The following FRMD4B variants were observed in gnomAD, a reference collection of about 807,000 sequenced individuals.
FRMD4B encodes FERM domain-containing protein 4B.
A neutral mutation model predicts 141.5 loss-of-function variants in FRMD4B; 74 were observed. That is an observed-to-expected ratio of 0.52 (90% CI 0.43 to 0.63). The LOEUF (loss-of-function observed/expected upper bound fraction) is 0.63. FRMD4B is among the 30% of genes least tolerant of loss of function. The pLI is 0.00. For missense variants in FRMD4B, 1,366 were observed against 1,253.4 expected, an observed-to-expected ratio of 1.09 and a Z score of -1.36; for synonymous variants, 506 against 467.9, an observed-to-expected ratio of 1.08 and a Z score of -1.05.
chr3:69,527,347 G>A (rs1328182146), intron 1 of FRMD4B, among the ~76,000 whole-genome samples: 2 of 152,122 alleles, frequency 1.3e-5, no homozygotes, highest in African/African-American at 2.4e-5. Flanking sequence ...CCGGGGTGGA[G>A]CGCAAACCTG....
At chr3:69,350,574 C>G (rs528907257) in intron 1 of FRMD4B, among the ~76,000 whole-genome samples, 1 of 152,060 alleles carries the variant, frequency 6.6e-6, no homozygotes, top group African/African-American at 2.4e-5. Context: ...GGAACCAATC[C>G]AAATGTCCAA....
chr3:69,300,980 C>T (rs1701197635), intron 4 of FRMD4B, among the ~76,000 whole-genome samples: 1 of 152,248 alleles, frequency 6.6e-6, no homozygotes, highest in South Asian at 2.1e-4. Flanking sequence ...AAGTGATCTG[C>T]CTACCTCGGC....
Position 69,391,281 on chromosome 3 carries a change from G to T in FRMD4B, c.-1+41353C>A, listed in dbSNP as rs182491072. Among the ~76,000 whole-genome samples the T allele has an allele frequency of 3.4e-3, 510 of 150,488 alleles. 4 individuals are homozygous for T. The highest frequency in any genetic ancestry group is 0.012 in the African/African-American group (499 of 40,934). On this transcript the variant is annotated intron_variant, in intron 2 of 5. Coordinates refer to the FRMD4B transcript ENST00000459638. ...TTATTATTATACTTTTAAGTTCTAG[G>T]GTACACGTGCACAATGTGCAGGTTT... is the stretch of plus-strand genomic sequence containing the variant.
intron 1 of FRMD4B, among the ~76,000 whole-genome samples, chr3:69,464,546 C>T (rs1450351487): frequency 3.3e-5 from 5 of 152,126 alleles, no homozygotes; most frequent in Admixed American, 6.5e-5. Context: ...ACTCAGTATG[C>T]AATGGTTTGC....
chr3:69,361,001 C>G (rs1235499164), intron 1 of FRMD4B, among the ~76,000 whole-genome samples: 1 of 152,090 alleles, frequency 6.6e-6, no homozygotes, highest in Non-Finnish European at 1.5e-5. Flanking sequence ...ATAATTCATA[C>G]AAGAAAGGCA....
At chr3:69,349,720 G>C (rs1169724717) in intron 1 of FRMD4B, among the ~76,000 whole-genome samples, 1 of 152,102 alleles carries the variant, frequency 6.6e-6, no homozygotes, top group Non-Finnish European at 1.5e-5. Flanking sequence ...ACAAGCAATG[G>C]GGAAAGGATT....
At chr3:69,303,758 G>T (rs1031448911) in intron 3 of FRMD4B, among the ~76,000 whole-genome samples, 45 of 151,812 alleles carry the variant, frequency 3.0e-4, no homozygotes, top group African/African-American at 1.1e-3. Context: ...GGTGAAACCC[G>T]ATTTCTACAA....
rs186961195 is a variant in FRMD4B at position 69,202,181 on chromosome 3, C to T, written c.877-3407G>A. On this transcript the variant is annotated intron_variant, in intron 11 of 22. Transcript: ENST00000398540. Reference sequence around the variant, plus strand: ...TCGCACCACTGCACTCCAACCTTGGCGACAAGAGCGAAAATCCGTCTCAAA... The same window carrying T: ...TCGCACCACTGCACTCCAACCTTGGTGACAAGAGCGAAAATCCGTCTCAAA... 1.1e-3 allele frequency among the ~76,000 whole-genome samples: 165 copies of T among 151,832 alleles called. 1 individual carries two copies. Among genetic ancestry groups the T allele is most frequent in the African/African-American group, 3.7e-3 (155 of 41,354 alleles).
intron 1 of FRMD4B, among the ~76,000 whole-genome samples, chr3:69,501,435 C>A (rs1167756646): frequency 6.6e-6 from 1 of 152,102 alleles, no homozygotes; most frequent in Non-Finnish European, 1.5e-5. Flanking sequence ...TCAGCTTCTT[C>A]ATAGCATTGT....
intron 1 of FRMD4B, among the ~76,000 whole-genome samples, chr3:69,440,880 A>T (rs1705331994): frequency 1.3e-5 from 2 of 152,198 alleles, no homozygotes; most frequent in Non-Finnish European, 2.9e-5. Flanking sequence ...TTAGAACTAC[A>T]ATGAATTTGT....
At chr3:69,319,439 T>A (rs1340646091) in intron 1 of FRMD4B, among the ~76,000 whole-genome samples, 4 of 152,304 alleles carry the variant, frequency 2.6e-5, no homozygotes, top group Non-Finnish European at 1.5e-5. Flanking sequence ...ATGGGAGGAA[T>A]ATTACTGACC....
At chr3:69,384,163 T>A (rs1278023491) in intron 1 of FRMD4B, among the ~76,000 whole-genome samples, 1 of 152,118 alleles carries the variant, frequency 6.6e-6, no homozygotes, top group Admixed American at 6.6e-5. Context: ...ACCATCCATT[T>A]TAGAGAAAAG....
intron 1 of FRMD4B, among the ~76,000 whole-genome samples, chr3:69,358,788 T>C (rs375968304): frequency 1.9e-4 from 29 of 152,272 alleles, no homozygotes; most frequent in African/African-American, 6.5e-4. Flanking sequence ...CAAGACATGA[T>C]AATGGATTAT....
At position 69,392,618 on chromosome 3, in the gene FRMD4B, G is replaced by A. The variant is rs567690577; in HGVS notation, c.-1+40016C>T. Reference sequence around the variant, plus strand: ...GAATATCTACATAACTAAGCTGAAGGAGTGTTCCTGTTCCTCAGTCCTCGG... The same window carrying A: ...GAATATCTACATAACTAAGCTGAAGAAGTGTTCCTGTTCCTCAGTCCTCGG... On this transcript the variant is annotated intron_variant, in intron 2 of 5. Transcript: ENST00000459638. Among the ~76,000 whole-genome samples, 6 of 152,292 alleles carry A rather than the reference G, an allele frequency of 3.9e-5. No individual in the cohort carries two copies. In the South Asian group the frequency reaches 1.2e-3, roughly 32 times the overall value.
intron 5 of FRMD4B, among the ~76,000 whole-genome samples, chr3:69,265,048 G>T (rs947037792): frequency 1.3e-3 from 197 of 150,544 alleles, no homozygotes; most frequent in African/African-American, 4.7e-3. Context: ...GAGGTCAGGA[G>T]ATCGAGACCA....
chr3:69,357,826 C>T (rs1274308634), intron 1 of FRMD4B, among the ~76,000 whole-genome samples: 1 of 152,176 alleles, frequency 6.6e-6, no homozygotes, highest in African/African-American at 2.4e-5. Context: ...CTCATCTCCT[C>T]CTAAATTTAG....
At chr3:69,532,249 A>T (rs1701018125) in intron 1 of FRMD4B, among the ~76,000 whole-genome samples, 1 of 152,234 alleles carries the variant, frequency 6.6e-6, no homozygotes, top group African/African-American at 2.4e-5. Context: ...ATTTGTCTAA[A>T]TACTAAAAGG....
intron 1 of FRMD4B, among the ~76,000 whole-genome samples, chr3:69,512,897 T>C (rs575997522): frequency 1.3e-5 from 2 of 152,290 alleles, no homozygotes; most frequent in East Asian, 1.9e-4. Context: ...CCAAAATTTA[T>C]GACATGCAGT....
chr3:69,454,263 T>C (rs1013080018), intron 1 of FRMD4B, among the ~76,000 whole-genome samples: 2 of 152,196 alleles, frequency 1.3e-5, no homozygotes, highest in African/African-American at 4.8e-5. Flanking sequence ...AGTAGGAACG[T>C]TGGGAGGTGA....
Sources: gnomAD v4.1 joint callset for allele counts (sites outside exome capture counted in the v4.1 genomes callset) on GRCh38, gnomAD v4.1.1 for gene constraint, MANE v1.5 for transcripts, NCBI Gene and HGNC (gene_info 2026-07-23, HGNC 2026-07-21) for gene names.